ZBTB7C: variants seen among roughly 807,000 people sequenced by gnomAD.
The protein encoded by ZBTB7C is zinc finger and BTB domain containing 7C, also known as zinc finger and BTB domain-containing protein 7C.
Under a neutral mutation model 25.7 loss-of-function variants are expected in ZBTB7C, and 8 were observed. The ratio of observed to expected loss-of-function variants is 0.31; its 90% CI spans 0.18 to 0.56. The LOEUF (loss-of-function observed/expected upper bound fraction) is 0.56, where lower values mean the gene tolerates loss of function less well. Among genes scored for constraint, ZBTB7C ranks in the 20% least tolerant of loss-of-function variants. ZBTB7C has a pLI of 0.91. For missense variants in ZBTB7C, 824 were observed against 855.2 expected, an observed-to-expected ratio of 0.96 and a Z score of 0.46; for synonymous variants, 394 against 369.0, an observed-to-expected ratio of 1.07 and a Z score of -0.78.
At chr18:48,250,600 G>A (rs2043820460) in intron 2 of ZBTB7C, among the ~76,000 whole-genome samples, 1 of 152,086 alleles carries the variant, frequency 6.6e-6, no homozygotes, top group Non-Finnish European at 1.5e-5. Context: ...AACTTGGAAT[G>A]GGACAGAACC....
At chr18:48,217,449 C>T (rs1036872015) in intron 2 of ZBTB7C, among the ~76,000 whole-genome samples, 2 of 152,120 alleles carry the variant, frequency 1.3e-5, no homozygotes, top group Non-Finnish European at 2.9e-5. Flanking sequence ...GCCAACTGGA[C>T]GTAAGCCAGC....
intron 3 of ZBTB7C, among the ~76,000 whole-genome samples, chr18:48,056,244 GA>G (rs2036910397): frequency 6.6e-6 from 1 of 152,104 alleles, no homozygotes; most frequent in South Asian, 2.1e-4. Context: ...TAAGTCAATG[GA>G]AAGATACAAC....
intron 3 of ZBTB7C, among the ~76,000 whole-genome samples, chr18:48,052,864 T>C (rs941840055): frequency 2.6e-5 from 4 of 152,210 alleles, no homozygotes; most frequent in Non-Finnish European, 5.9e-5. Flanking sequence ...GGTTCCAGGA[T>C]AGATCCTTGG....
chr18:48,248,025 G>C (rs1568329199), intron 2 of ZBTB7C, among the ~76,000 whole-genome samples: 1 of 152,120 alleles, frequency 6.6e-6, no homozygotes, highest in East Asian at 1.9e-4. Context: ...AAATCTAATG[G>C]TTTTATAAAT....
intron 3 of ZBTB7C, among the ~76,000 whole-genome samples, chr18:48,155,315 A>ATT (rs2040803804): frequency 1.7e-5 from 2 of 118,238 alleles, no homozygotes; most frequent in Admixed American, 9.2e-5. Context: ...TAACTGTAAT[A>ATT]TTCTTTTTTT....
intron 1 of ZBTB7C, among the ~76,000 whole-genome samples, chr18:48,359,053 G>T (rs1452260320): frequency 6.6e-6 from 1 of 152,114 alleles, no homozygotes; most frequent in African/African-American, 2.4e-5. Context: ...GCAACAAGAT[G>T]CTCTGACCTG....
chr18:48,238,891 C>CG (rs907289509), intron 2 of ZBTB7C, among the ~76,000 whole-genome samples: 11 of 152,056 alleles, frequency 7.2e-5, no homozygotes, highest in Admixed American at 2.0e-4. Flanking sequence ...GCCTTGTAGC[C>CG]GGGGGCAAGA....
chr18:48,136,274 G>A (rs2040156871), intron 3 of ZBTB7C, among the ~76,000 whole-genome samples: 1 of 152,194 alleles, frequency 6.6e-6, no homozygotes, highest in Non-Finnish European at 1.5e-5. Context: ...GCCGTCTCCG[G>A]AGCTGAGAGA....
intron 2 of ZBTB7C, among the ~76,000 whole-genome samples, chr18:48,314,017 C>T (rs757657316): frequency 1.4e-4 from 21 of 152,136 alleles, no homozygotes; most frequent in Non-Finnish European, 2.8e-4. Flanking sequence ...TCCCTGTCAC[C>T]ACCTGCCTCA....
intron 2 of ZBTB7C, among the ~76,000 whole-genome samples, chr18:48,226,582 G>T (rs1054188556): frequency 6.6e-6 from 1 of 152,160 alleles, no homozygotes; most frequent in African/African-American, 2.4e-5. Flanking sequence ...AGCACCTGGG[G>T]GTAAAATATG....
intron 1 of ZBTB7C, among the ~76,000 whole-genome samples, chr18:48,382,896 A>G (rs1386396636): frequency 6.6e-6 from 1 of 152,252 alleles, no homozygotes; most frequent in Admixed American, 6.5e-5. Context: ...TTCCCCTTCT[A>G]TACTCTCAAG....
In ZBTB7C at chr18:48,029,630, C is replaced by A; in HGVS notation, c.1490G>T (p.Gly497Val). Residue 497 changes from glycine (G) to valine (V), a missense_variant, in exon 5 of 5, where the codon GGC (glycine) becomes GTC (valine). Gly to Val is a moderately radical substitution (Grantham distance 109). Coordinates refer to ENST00000590800, the MANE Select transcript of ZBTB7C (RefSeq NM_001318841.2). ...RAASLLFGPGGPAPDKAAFVM... is the reference protein window; with the variant it reads ...RAASLLFGPGVPAPDKAAFVM... ...GAAGGCCGCCTTGTCGGGGGCCGGG[C>A]CGCCGGGCCCGAAGAGCAGGCTGGC... 6.6e-7 allele frequency: 1 copy of A among 1,504,038 alleles called. No individual in the cohort carries two copies. 93.2% of individuals were successfully genotyped at this position (1,504,038 alleles called of 1,614,324 possible).
At chr18:48,160,940 T>G (rs1271682024) in intron 3 of ZBTB7C, among the ~76,000 whole-genome samples, 6 of 142,610 alleles carry the variant, frequency 4.2e-5, no homozygotes, top group Non-Finnish European at 6.4e-5. Flanking sequence ...GACAAGTTTT[T>G]TTTTTTTTTT....
intron 2 of ZBTB7C, among the ~76,000 whole-genome samples, chr18:48,291,675 A>G (rs1036480148): frequency 6.6e-6 from 1 of 152,152 alleles, no homozygotes; most frequent in African/African-American, 2.4e-5. Context: ...AAAAGATTGC[A>G]CCAATCTATA....
intron 1 of ZBTB7C, among the ~76,000 whole-genome samples, chr18:48,350,253 A>C (rs772918959): frequency 3.1e-4 from 47 of 152,292 alleles, no homozygotes; most frequent in Non-Finnish European, 5.4e-4. Context: ...TCCTTCCTGG[A>C]GGCTCTAGGG....
chr18:48,286,245 T>TGTGTGTG (rs2045049767), intron 2 of ZBTB7C, among the ~76,000 whole-genome samples: 1 of 151,588 alleles, frequency 6.6e-6, no homozygotes. Flanking sequence ...TGTGTGTGTG[T>TGTGTGTG]GTGTGTGTGT....
At chr18:48,122,343 TGTTG>T (rs1457002052) in intron 3 of ZBTB7C, among the ~76,000 whole-genome samples, 5 of 152,192 alleles carry the variant, frequency 3.3e-5, no homozygotes, top group African/African-American at 1.2e-4. Flanking sequence ...TTTGGCTGAT[TGTTG>T]GTCATTTTTT....
chr18:48,253,078 G>A (rs1267310461), intron 2 of ZBTB7C, among the ~76,000 whole-genome samples: 3 of 152,146 alleles, frequency 2.0e-5, no homozygotes, highest in Non-Finnish European at 2.9e-5. Context: ...CAGTGCAAAG[G>A]CTGCTGGAGC....
At chr18:48,285,398 T>C (rs764493688) in intron 2 of ZBTB7C, among the ~76,000 whole-genome samples, 2 of 152,252 alleles carry the variant, frequency 1.3e-5, no homozygotes, top group Non-Finnish European at 2.9e-5. Flanking sequence ...TCCTGTTTAT[T>C]TATATTTTTC....
Sources: allele counts gnomAD v4.1 joint callset (sites outside exome capture counted in the v4.1 genomes callset), GRCh38; gene constraint gnomAD v4.1.1; transcripts MANE v1.5; gene names NCBI Gene and HGNC (gene_info 2026-07-23, HGNC 2026-07-21).